Variants in GLRB observed in about 807,000 individuals in gnomAD.
The protein encoded by GLRB is glycine receptor beta, also known as glycine receptor subunit beta.
Under a neutral mutation model 54.2 loss-of-function variants are expected in GLRB, and 33 were observed. The ratio of observed to expected loss-of-function variants is 0.61; its 90% CI spans 0.46 to 0.81. The LOEUF is 0.81. Ranked by LOEUF, GLRB falls within the 40% of genes least tolerant of loss-of-function variation. The pLI, the probability that GLRB is intolerant of heterozygous loss-of-function variation, is 0.00. For synonymous variants in GLRB, 209 were observed against 208.2 expected (o/e 1.00, Z -0.03); for missense variants, 572 against 584.6 (o/e 0.98, Z 0.22).
intron 4 of GLRB, among the ~76,000 whole-genome samples, chr4:157,132,506 C>G (rs1340533107): frequency 6.6e-6 from 1 of 151,732 alleles, no homozygotes; most frequent in Non-Finnish European, 1.5e-5. Flanking sequence ...AAAGTTTTTA[C>G]TCTTTGGGAA....
chr4:157,115,115 A>G (rs1438808305), intron 2 of GLRB, among the ~76,000 whole-genome samples: 2 of 151,738 alleles, frequency 1.3e-5, no homozygotes, highest in East Asian at 3.9e-4. Flanking sequence ...TTTTATCTGT[A>G]TGGACTCTGG....
At chr4:157,141,571 C>G (rs528203505) in intron 7 of GLRB, among the ~76,000 whole-genome samples, 14 of 151,870 alleles carry the variant, frequency 9.2e-5, no homozygotes, top group African/African-American at 3.4e-4. Flanking sequence ...CAAAAATACT[C>G]AAATTGGAAG....
At chr4:157,086,517 C>T (rs1341400677) in intron 2 of GLRB, among the ~76,000 whole-genome samples, 2 of 152,088 alleles carry the variant, frequency 1.3e-5, no homozygotes, top group Non-Finnish European at 2.9e-5. Flanking sequence ...GAATCTTGAT[C>T]GGTATTTACA....
At chr4:157,120,784 T>G (rs547993090) in intron 3 of GLRB, 122 bp downstream of exon 3, 2 of 547,656 alleles carry the variant, frequency 3.7e-6, no homozygotes, top group South Asian at 4.2e-5. Context: ...GATTTCAAAG[T>G]GATATATAAC....
chr4:157,146,019 T>C (rs1320852871), intron 8 of GLRB, among the ~76,000 whole-genome samples: 3 of 151,436 alleles, frequency 2.0e-5, no homozygotes, highest in African/African-American at 7.3e-5. Flanking sequence ...CCTGATGATT[T>C]TGAGCTTTTT....
At chr4:157,106,526 C>T (rs1735230170) in intron 2 of GLRB, among the ~76,000 whole-genome samples, 1 of 152,080 alleles carries the variant, frequency 6.6e-6, no homozygotes, top group Admixed American at 6.6e-5. Context: ...TGAACACTAC[C>T]CAATTGGATG....
chr4:157,102,978 A>C (rs1735088765), intron 2 of GLRB, among the ~76,000 whole-genome samples: 1 of 152,042 alleles, frequency 6.6e-6, no homozygotes, highest in Admixed American at 6.6e-5. Context: ...CAGCCTGGCC[A>C]ACATAGTGAA....
At chr4:157,080,286 T>C (rs1255839078) in intron 2 of GLRB, among the ~76,000 whole-genome samples, 3 of 152,152 alleles carry the variant, frequency 2.0e-5, no homozygotes, top group Admixed American at 6.5e-5. Flanking sequence ...ATTTTAGATA[T>C]GTTGAGTAAT....
In GLRB at chr4:157,170,761, C is replaced by G. The variant is rs150568754; in HGVS notation, c.*33C>G. The G allele has an allele frequency of 8.0e-7, 1 of 1,251,960 alleles. No individual in the cohort carries two copies. Among genetic ancestry groups the G allele is most frequent in the African/African-American group, 1.5e-5 (1 of 66,354 alleles). The allele number at this position is 1,251,960 out of a possible 1,614,324, so 77.6% of individuals were successfully genotyped here. A position where few individuals can be genotyped will look rare whatever the true frequency, so the allele number is the denominator to read the frequency against. ...TTTCCATTTGTACAAAATAAAATTC[C>G]ATTTCATTGTGACCTACTCCTTTCA... On this transcript the variant is annotated 3_prime_UTR_variant, in exon 10 of 10. Transcript: ENST00000264428.
At chr4:157,125,510 A>T (rs533327945) in intron 4 of GLRB, among the ~76,000 whole-genome samples, 1 of 152,072 alleles carries the variant, frequency 6.6e-6, no homozygotes, top group South Asian at 2.1e-4. Context: ...AAATTAATTT[A>T]AAATTTCACA....
In GLRB at chr4:157,170,686, C is replaced by T. The variant is rs1395485724; in HGVS notation, c.1452C>T (p.Cys484=). 5.0e-6 allele frequency: 8 copies of T among 1,596,496 alleles called. No homozygotes were observed. Among genetic ancestry groups the T allele is most frequent in the Non-Finnish European group, 6.8e-6 (8 of 1,168,440 alleles). The part of the protein sequence containing the change: ...DLYARALFPF[C]FLFFNVIYWS... ...ATGCAAGAGCATTGTTTCCTTTCTG[C>T]TTCTTGTTCTTCAATGTTATATATT... The change falls in exon 10 of 10, where the codon TGC becomes TGT. Residue 484 remains cysteine (C), a synonymous_variant. Transcript: ENST00000264428.
intron 9 of GLRB, among the ~76,000 whole-genome samples, chr4:157,153,712 C>T (rs998825304): frequency 3.9e-5 from 6 of 152,102 alleles, no homozygotes; most frequent in Non-Finnish European, 8.8e-5. Flanking sequence ...GTCCATTTAC[C>T]CCAATGTGCC....
At chr4:157,128,081 TC>T (rs1386340380) in intron 4 of GLRB, among the ~76,000 whole-genome samples, 2 of 152,018 alleles carry the variant, frequency 1.3e-5, no homozygotes, top group Non-Finnish European at 1.5e-5. Context: ...CATAACTTTT[TC>T]CATATATGAA....
chr4:157,100,595 C>T (rs1213581677), intron 2 of GLRB, among the ~76,000 whole-genome samples: 1 of 151,962 alleles, frequency 6.6e-6, no homozygotes, highest in Non-Finnish European at 1.5e-5. Flanking sequence ...GTTAGCTTTT[C>T]CATTTTAATA....
chr4:157,154,423 C>CTTTTCCT (rs1737145362), intron 9 of GLRB, among the ~76,000 whole-genome samples: 3 of 103,464 alleles, frequency 2.9e-5, no homozygotes, highest in Non-Finnish European at 5.8e-5. Flanking sequence ...CTTCTTTTTC[C>CTTTTCCT]TTTTTTTTTT....
At chr4:157,129,716 T>C (rs1158261058) in intron 4 of GLRB, among the ~76,000 whole-genome samples, 2 of 151,708 alleles carry the variant, frequency 1.3e-5, no homozygotes, top group Admixed American at 6.6e-5. Context: ...GATGGAATTC[T>C]ATTTAAACAA....
rs528113182 is a variant in GLRB, at chr4:157,077,825, TA to T, written c.-29-165del. On this transcript the variant is annotated intron_variant, in intron 1 of 9. Transcript: ENST00000264428. ...TAAAAAAGACTTTACAACTACTATATAAAAAATACTAAATATGTTGTGAAGT... is the reference window on the plus strand; with the variant it reads ...TAAAAAAGACTTTACAACTACTATATAAAAATACTAAATATGTTGTGAAGT... Among the ~76,000 whole-genome samples, 519 of 151,736 alleles carry T rather than the reference TA, an allele frequency of 3.4e-3. 1 individual carries two copies. The highest frequency in any genetic ancestry group is 6.0e-3 in the Non-Finnish European group (404 of 67,886).
chr4:157,157,610 G>A (rs754865413), intron 9 of GLRB, among the ~76,000 whole-genome samples: 28 of 152,062 alleles, frequency 1.8e-4, no homozygotes, highest in Non-Finnish European at 3.8e-4. Context: ...CTGTCTTTGC[G>A]ATAGTTTGCT....
rs74961217 is a variant in GLRB at position 157,097,241 on chromosome 4, A to G, written c.122+19095A>G. ...TTTTCTGACTAGTTTTCTTATTAAT[A>G]CTTTTGTAACATTGATTTCTCTTTC... On this transcript the variant is annotated intron_variant, in intron 2 of 9. Transcript: ENST00000264428. 8.8e-4 allele frequency among the ~76,000 whole-genome samples: 134 copies of G among 152,292 alleles called. No homozygotes were observed. In the East Asian group the frequency reaches 0.013, roughly 15 times the overall value.
Sources: allele counts gnomAD v4.1 joint callset (sites outside exome capture counted in the v4.1 genomes callset), GRCh38; gene constraint gnomAD v4.1.1; transcripts MANE v1.5; gene names NCBI Gene and HGNC (gene_info 2026-07-23, HGNC 2026-07-21).